SHROOM3: variants seen among roughly 807,000 people sequenced by gnomAD.
The protein encoded by SHROOM3 is shroom family member 3, also known as protein Shroom3.
Under a neutral mutation model 138.6 loss-of-function variants are expected in SHROOM3, and 47 were observed. The ratio of observed to expected loss-of-function variants is 0.34; its 90% confidence interval spans 0.27 to 0.43. The LOEUF (loss-of-function observed/expected upper bound fraction) is 0.43. Among genes scored for constraint, SHROOM3 ranks in the 20% least tolerant of loss-of-function variants. The pLI is 1.00. For missense variants in SHROOM3, 2,491 were observed against 2,596.5 expected (o/e 0.96, Z 0.88); for synonymous variants, 1,062 against 1,063.3 (o/e 1.00, Z 0.02).
Position 76,781,039 on chromosome 4 carries a change from GGGGCTCCC to G in SHROOM3, c.*1863_*1870del, listed in dbSNP as rs1722722332. 6.6e-6 allele frequency: 1 copy of G among 152,190 alleles called. No homozygotes were observed. Among genetic ancestry groups the G allele is most frequent in the Non-Finnish European group, 1.5e-5 (1 of 68,038 alleles). The allele number at this position is 152,190 out of a possible 1,614,324, so 9.4% of individuals were successfully genotyped here. A position where few individuals can be genotyped will look rare whatever the true frequency, so the allele number is the denominator to read the frequency against. On this transcript the variant is annotated 3_prime_UTR_variant, in exon 11 of 11. Transcript: ENST00000296043. ...AGTGAAATTCCTCAGAGGAATCCAG[GGGGCTCCC>G]AGTTCCCAACACTCTTCGAGATGAC...
intron 2 of SHROOM3, among the ~76,000 whole-genome samples, chr4:76,681,451 T>C (rs1356760682): frequency 6.6e-6 from 1 of 151,686 alleles, no homozygotes; most frequent in Non-Finnish European, 1.5e-5. Flanking sequence ...TGTTACTGTT[T>C]CTTTAAAAAA....
At chr4:76,493,867 T>C (rs1323926287) in intron 1 of SHROOM3, among the ~76,000 whole-genome samples, 1 of 152,122 alleles carries the variant, frequency 6.6e-6, no homozygotes, top group Non-Finnish European at 1.5e-5. Flanking sequence ...TAATCCCAGC[T>C]ACTCAGGAGA....
At chr4:76,672,780 G>A (rs989427510) in intron 2 of SHROOM3, among the ~76,000 whole-genome samples, 1 of 152,106 alleles carries the variant, frequency 6.6e-6, no homozygotes, top group Non-Finnish European at 1.5e-5. Context: ...CACCATGTTA[G>A]CCAGGATGGT....
chr4:76,745,562 C>T (rs141306218), intron 5 of SHROOM3, among the ~76,000 whole-genome samples: 4 of 152,322 alleles, frequency 2.6e-5, no homozygotes, highest in Admixed American at 2.0e-4. Flanking sequence ...TAGCACCTTT[C>T]TACAAGCACA....
At chr4:76,689,703 G>T (rs1719459466) in intron 2 of SHROOM3, 7 of 985,586 alleles carry the variant, frequency 7.1e-6, no homozygotes, top group Non-Finnish European at 8.4e-6. Context: ...AGCGGCGATG[G>T]TGAGTGAGGA....
intron 1 of SHROOM3, among the ~76,000 whole-genome samples, chr4:76,512,939 A>G (rs1310941032): frequency 6.6e-6 from 1 of 152,192 alleles, no homozygotes; most frequent in Non-Finnish European, 1.5e-5. Flanking sequence ...CAATGTCATA[A>G]AAGTACCCAA....
chr4:76,754,043 G>T (rs1029290118), intron 6 of SHROOM3, among the ~76,000 whole-genome samples: 2 of 152,168 alleles, frequency 1.3e-5, no homozygotes, highest in African/African-American at 4.8e-5. Flanking sequence ...ACAGGATGTG[G>T]GGGCGGTGAG....
At chr4:76,572,330 G>A (rs931807882) in intron 2 of SHROOM3, among the ~76,000 whole-genome samples, 1 of 152,204 alleles carries the variant, frequency 6.6e-6, no homozygotes, top group Admixed American at 6.5e-5. Context: ...GTGACAAACT[G>A]TATACCGTGA....
chr4:76,575,940 G>T (rs1418537048), intron 2 of SHROOM3, among the ~76,000 whole-genome samples: 1 of 152,094 alleles, frequency 6.6e-6, no homozygotes, highest in Admixed American at 6.6e-5. Flanking sequence ...AAACTACAAT[G>T]AGATATTATA....
At chr4:76,479,148 A>C (rs1731550002) in intron 1 of SHROOM3, among the ~76,000 whole-genome samples, 1 of 152,096 alleles carries the variant, frequency 6.6e-6, no homozygotes, top group African/African-American at 2.4e-5. Context: ...AATTGACAGA[A>C]GTAGGGTACA....
chr4:76,767,933 C>T (rs568482010), intron 9 of SHROOM3, among the ~76,000 whole-genome samples: 173 of 152,274 alleles, frequency 1.1e-3, no homozygotes, highest in Non-Finnish European at 1.7e-3. Context: ...CTTCTCAGGA[C>T]ATGAGGTTGA....
In SHROOM3 at chr4:76,738,993, C is replaced by T. The variant is rs147825182; in HGVS notation, c.820C>T (p.His274Tyr). Residue 274 changes from histidine (H) to tyrosine (Y), a missense_variant, in exon 5 of 11, where the codon CAC (histidine) becomes TAC (tyrosine). His to Tyr is a moderately conservative substitution (Grantham distance 83). Transcript: ENST00000296043. ...CAGTTCTAGCATCCTAGAGTATCCA[C>T]ACCCTGGCATCTCTGGCCGGGAGCG... ...STSSSILEYP[H>Y]PGISGRERSG... The T allele has an allele frequency of 5.0e-6, 8 of 1,614,096 alleles. No homozygotes were observed. In the African/African-American group the frequency reaches 9.3e-5, roughly 19 times the overall value.
At chr4:76,563,573 A>G (rs1397836435) in intron 2 of SHROOM3, among the ~76,000 whole-genome samples, 1 of 152,206 alleles carries the variant, frequency 6.6e-6, no homozygotes, top group Non-Finnish European at 1.5e-5. Context: ...GTCAGGTTAT[A>G]TAGGCACATG....
At chr4:76,634,605 T>C (rs1735437456) in intron 2 of SHROOM3, among the ~76,000 whole-genome samples, 5 of 152,190 alleles carry the variant, frequency 3.3e-5, no homozygotes, top group Admixed American at 3.3e-4. Flanking sequence ...GAAGCCTCAT[T>C]AGGTTTATAA....
chr4:76,611,368 A>G (rs984025855), intron 2 of SHROOM3, among the ~76,000 whole-genome samples: 3 of 151,948 alleles, frequency 2.0e-5, no homozygotes, highest in Admixed American at 6.6e-5. Flanking sequence ...GTGGAATTCA[A>G]ACGATCTCGT....
At chr4:76,625,280 A>G (rs1055591162) in intron 2 of SHROOM3, among the ~76,000 whole-genome samples, 1 of 152,226 alleles carries the variant, frequency 6.6e-6, no homozygotes, top group South Asian at 2.1e-4. Context: ...GGCCTTAAAT[A>G]TTCTGTTTTC....
At chr4:76,603,323 C>A (rs908800116) in intron 2 of SHROOM3, among the ~76,000 whole-genome samples, 11 of 152,088 alleles carry the variant, frequency 7.2e-5, no homozygotes, top group South Asian at 2.1e-4. Context: ...GAGGCTGAGG[C>A]AGGAGAATCA....
chr4:76,613,085 G>A (rs1734796322), intron 2 of SHROOM3, among the ~76,000 whole-genome samples: 1 of 152,180 alleles, frequency 6.6e-6, no homozygotes, highest in African/African-American at 2.4e-5. Context: ...AAACAAAACA[G>A]AGGCAGAAGG....
chr4:76,633,480 G>C (rs1490034810), intron 2 of SHROOM3, among the ~76,000 whole-genome samples: 2 of 151,396 alleles, frequency 1.3e-5, no homozygotes, highest in Non-Finnish European at 2.9e-5. Context: ...CACGGTGAAA[G>C]CCCGTCTCTA....
Sources: allele counts gnomAD v4.1 joint callset (sites outside exome capture counted in the v4.1 genomes callset), GRCh38; gene constraint gnomAD v4.1.1; transcripts MANE v1.5; gene names NCBI Gene and HGNC (gene_info 2026-07-23, HGNC 2026-07-21).